The following LSAMP variants were observed in gnomAD, a reference collection of about 807,000 sequenced individuals.
The protein encoded by LSAMP is limbic system associated membrane protein.
LSAMP carries 7 observed loss-of-function variants against 38.6 expected under a neutral mutation model. The observed-to-expected ratio is 0.18, with a 90% CI of 0.10 to 0.34. The LOEUF (loss-of-function observed/expected upper bound fraction) is 0.34. Among genes scored for constraint, LSAMP ranks in the 10% least tolerant of loss-of-function variants. The pLI, the probability that LSAMP is intolerant of heterozygous loss-of-function variation, is 1.00. For missense variants in LSAMP, 313 were observed against 420.0 expected (o/e 0.75, Z 2.23); for synonymous variants, 154 against 166.8 (o/e 0.92, Z 0.59).
At chr3:115,857,293 G>A (rs1301860735) in intron 3 of LSAMP, among the ~76,000 whole-genome samples, 2 of 152,010 alleles carry the variant, frequency 1.3e-5, no homozygotes, top group Non-Finnish European at 2.9e-5. Flanking sequence ...TTGCCCCCAC[G>A]AGCCTGTCCC....
intron 1 of LSAMP, among the ~76,000 whole-genome samples, chr3:116,110,410 A>T (rs572200313): frequency 6.6e-6 from 1 of 152,218 alleles, no homozygotes; most frequent in Non-Finnish European, 1.5e-5. Context: ...AACATGGGTG[A>T]ATAATCAGAG....
intron 3 of LSAMP, among the ~76,000 whole-genome samples, chr3:115,920,793 G>GAA (rs1368295340): frequency 6.6e-6 from 1 of 151,872 alleles, no homozygotes; most frequent in Non-Finnish European, 1.5e-5. Context: ...GTGGAGTATT[G>GAA]AAATGCCCTA....
chr3:116,182,696 GTTGC>G (rs1710515461), intron 1 of LSAMP, among the ~76,000 whole-genome samples: 1 of 151,750 alleles, frequency 6.6e-6, no homozygotes, highest in Non-Finnish European at 1.5e-5. Context: ...TGATATTGTT[GTTGC>G]TTGCTTGTTT....
intron 6 of LSAMP, among the ~76,000 whole-genome samples, chr3:115,811,989 AC>A (rs1411330466): frequency 2.6e-5 from 4 of 152,206 alleles, no homozygotes; most frequent in Non-Finnish European, 5.9e-5. Flanking sequence ...GCCTGTAAGT[AC>A]TACACAGTAA....
chr3:115,853,398 G>A (rs540742702), intron 3 of LSAMP, among the ~76,000 whole-genome samples: 83 of 152,318 alleles, frequency 5.4e-4, no homozygotes, highest in African/African-American at 1.9e-3. Context: ...TTGGGGTAGG[G>A]AGTTAAATAT....
At chr3:116,260,528 T>C (rs1299737531) in intron 1 of LSAMP, among the ~76,000 whole-genome samples, 1 of 152,162 alleles carries the variant, frequency 6.6e-6, no homozygotes, top group Non-Finnish European at 1.5e-5. Flanking sequence ...TCTAATAATT[T>C]CTTCAAGTTC....
At chr3:115,858,673 C>T (rs1440691487) in intron 3 of LSAMP, among the ~76,000 whole-genome samples, 1 of 152,004 alleles carries the variant, frequency 6.6e-6, no homozygotes, top group Non-Finnish European at 1.5e-5. Flanking sequence ...AACATACATA[C>T]AGTTTAATGA....
chr3:116,226,392 G>T (rs1457375898), intron 1 of LSAMP, among the ~76,000 whole-genome samples: 4 of 152,128 alleles, frequency 2.6e-5, no homozygotes, highest in African/African-American at 9.7e-5. Context: ...TTTTCTTTCT[G>T]ACACCCCTTG....
intron 1 of LSAMP, among the ~76,000 whole-genome samples, chr3:116,410,475 G>C (rs1046656314): frequency 6.8e-6 from 1 of 147,386 alleles, no homozygotes; most frequent in East Asian, 2.0e-4. Flanking sequence ...ATCTTTTGTA[G>C]GATTACCTAA....
intron 1 of LSAMP, among the ~76,000 whole-genome samples, chr3:116,444,417 G>A (rs2049477358): frequency 8.1e-6 from 1 of 122,892 alleles, no homozygotes; most frequent in South Asian, 2.7e-4. Context: ...ACACAGACAC[G>A]GGAGGAGCAA....
chr3:116,100,316 G>A (rs748338698), intron 1 of LSAMP, among the ~76,000 whole-genome samples: 1 of 152,070 alleles, frequency 6.6e-6, no homozygotes, highest in African/African-American at 2.4e-5. Flanking sequence ...CTGACCTCAA[G>A]TGATCTGCTT....
rs1268040540 is a variant in LSAMP, at chr3:116,197,163, A to ACACACACACACACACACACTCT, written c.156-110608_156-110607insAGAGTGTGTGTGTGTGTGTGTG. On this transcript the variant is annotated intron_variant, in intron 1 of 6. Transcript: ENST00000490035. Reference sequence around the variant, plus strand: ...CACACACACACACACACACACACACACTCTCTCTCTCTCTCACTCACTTTG... The same window carrying ACACACACACACACACACACTCT: ...CACACACACACACACACACACACACACACACACACACACACACACTCTCTCTCTCTCTCTCTCACTCACTTTG... Among the ~76,000 whole-genome samples, 9 of 139,086 alleles carry ACACACACACACACACACACTCT rather than the reference A, an allele frequency of 6.5e-5. 1 individual carries two copies. Among genetic ancestry groups the ACACACACACACACACACACTCT allele is most frequent in the African/African-American group, 2.1e-4 (8 of 38,698 alleles). The allele number at this position is 139,086 out of a possible 152,430, so 91.2% of individuals were successfully genotyped here.
At chr3:116,285,557 T>C (rs763076564) in intron 1 of LSAMP, among the ~76,000 whole-genome samples, 1 of 151,924 alleles carries the variant, frequency 6.6e-6, no homozygotes, top group East Asian at 1.9e-4. Context: ...TTTTAAAGGA[T>C]AGTTTCTAAA....
At chr3:115,919,611 T>A (rs1559881160) in intron 3 of LSAMP, among the ~76,000 whole-genome samples, 1 of 152,036 alleles carries the variant, frequency 6.6e-6, no homozygotes, top group African/African-American at 2.4e-5. Context: ...CAAAACAGGT[T>A]ATTTATTTAT....
intron 1 of LSAMP, among the ~76,000 whole-genome samples, chr3:116,105,416 T>C (rs1456131737): frequency 1.3e-5 from 2 of 152,062 alleles, no homozygotes; most frequent in African/African-American, 4.8e-5. Flanking sequence ...AACATGGCTG[T>C]TTATTTCACC....
At chr3:115,826,098 G>T (rs983279194) in intron 6 of LSAMP, among the ~76,000 whole-genome samples, 4 of 135,480 alleles carry the variant, frequency 3.0e-5, no homozygotes, top group African/African-American at 1.3e-4. Context: ...TTCTCTTTCT[G>T]TCTTTTATTT....
rs781705449 is a variant in LSAMP at position 115,805,718 on chromosome 3, C to T, written c.*4599G>A. 1.6e-4 allele frequency: 25 copies of T among 152,188 alleles called. No homozygotes were observed. Among genetic ancestry groups the T allele is most frequent in the African/African-American group, 5.5e-4 (23 of 41,522 alleles). The allele number at this position is 152,188 out of a possible 1,614,324, so 9.4% of individuals were successfully genotyped here. A position where few individuals can be genotyped will look rare whatever the true frequency, so the allele number is the denominator to read the frequency against. On this transcript the variant is annotated 3_prime_UTR_variant, in exon 7 of 7. Transcript: ENST00000490035. ...AAATTCTTTCCTAAATTTTGGTTGG[C>T]GACATTTGAACAGCATAGCTACATG...
chr3:116,272,054 G>T (rs1369939112), intron 1 of LSAMP, among the ~76,000 whole-genome samples: 1 of 151,898 alleles, frequency 6.6e-6, no homozygotes, highest in Non-Finnish European at 1.5e-5. Context: ...AAGATGGAAG[G>T]AATTCTCAAA....
intron 1 of LSAMP, among the ~76,000 whole-genome samples, chr3:116,309,474 T>A (rs1208746697): frequency 1.3e-5 from 2 of 152,132 alleles, no homozygotes; most frequent in African/African-American, 4.8e-5. Context: ...TTAATTTAAA[T>A]CAATTTAAAT....
Sources: gnomAD v4.1 joint callset for allele counts (sites outside exome capture counted in the v4.1 genomes callset) on GRCh38, gnomAD v4.1.1 for gene constraint, MANE v1.5 for transcripts, NCBI Gene and HGNC (gene_info 2026-07-23, HGNC 2026-07-21) for gene names.